The following GMCL1 variants were observed in gnomAD, a reference collection of about 807,000 sequenced individuals.
GMCL1 encodes germ cell-less protein-like 1.
Under a neutral mutation model 75.5 loss-of-function variants are expected in GMCL1, and 54 were observed. The observed-to-expected ratio is 0.71, with a 90% CI of 0.57 to 0.90. The LOEUF is 0.90. Among genes scored for constraint, GMCL1 ranks in the 40% least tolerant of loss-of-function variants. The probability of loss-of-function intolerance (pLI) is 0.00; values close to 1 mark genes in which losing one functional copy is unlikely to be tolerated. For synonymous variants in GMCL1, 210 were observed against 209.6 expected (o/e 1.00, Z -0.02); for missense variants, 537 against 622.7 (o/e 0.86, Z 1.47).
intron 8 of GMCL1, among the ~76,000 whole-genome samples, chr2:69,852,740 T>C (rs1460032677): frequency 6.6e-6 from 1 of 152,190 alleles, no homozygotes; most frequent in Non-Finnish European, 1.5e-5. Flanking sequence ...GAGTTTGCCA[T>C]GTTGGCCAGG....
At chr2:69,847,507 A>G (rs754358130) in intron 6 of GMCL1, 36 bp from the exon 7 acceptor site, 25 of 1,311,308 alleles carry the variant, frequency 1.9e-5, no homozygotes, top group Non-Finnish European at 2.5e-5. Context: ...GCCTGTGCCT[A>G]AAGATAAGCT....
chr2:69,835,931 T>C (rs575505389), intron 1 of GMCL1, among the ~76,000 whole-genome samples: 45 of 152,286 alleles, frequency 3.0e-4, no homozygotes, highest in African/African-American at 1.0e-3. Flanking sequence ...AGAATGAGGA[T>C]TGCTTTGTCT....
intron 7 of GMCL1, 99 bp downstream of exon 7, chr2:69,847,726 G>T (rs1675195876): frequency 3.3e-6 from 2 of 611,810 alleles, no homozygotes; most frequent in African/African-American, 3.8e-5. Flanking sequence ...TAAAGGGATG[G>T]TTATAAATGT....
At position 69,829,854 on chromosome 2, in the gene GMCL1, C is replaced by T. The variant is rs1008060748; in HGVS notation, c.-39C>T. 20 of 1,515,524 alleles carry T rather than the reference C, an allele frequency of 1.3e-5. No individual in the cohort carries two copies. In the Admixed American group the frequency reaches 4.4e-4, roughly 33 times the overall value. 93.9% of individuals were successfully genotyped at this position (1,515,524 alleles called of 1,614,324 possible). A position where few individuals can be genotyped will look rare whatever the true frequency, so the allele number is the denominator to read the frequency against. ...CGGCCGAGCCATGGCGGGAGACCCCCTTCTCTGGGCTCCCTGAAGTCTCGG... is the reference window on the plus strand; with the variant it reads ...CGGCCGAGCCATGGCGGGAGACCCCTTTCTCTGGGCTCCCTGAAGTCTCGG... On this transcript the variant is annotated 5_prime_UTR_variant, in exon 1 of 14. Coordinates refer to ENST00000282570, the MANE Select transcript of GMCL1 (RefSeq NM_178439.5).
rs75445476 is a variant in GMCL1 at position 69,873,407 on chromosome 2, A to G, written c.1452+1575A>G. ...AAAATATGAGTCAGCTGAAACAACA[A>G]TCATACATGTACCACTCAGATACAT... On this transcript the variant is annotated intron_variant, in intron 13 of 13. Transcript: ENST00000282570. Among the ~76,000 whole-genome samples, 7 of 152,314 alleles carry G rather than the reference A, an allele frequency of 4.6e-5. No individual in the cohort carries two copies. In the East Asian group the frequency reaches 1.2e-3, roughly 25 times the overall value.
intron 10 of GMCL1, among the ~76,000 whole-genome samples, chr2:69,862,565 G>C (rs1319280280): frequency 1.3e-5 from 2 of 152,088 alleles, no homozygotes; most frequent in Non-Finnish European, 2.9e-5. Context: ...TTCGAGACAA[G>C]CCTGACCGAG....
intron 10 of GMCL1, 129 bp downstream of exon 10, chr2:69,861,476 A>G (rs1675646309): frequency 1.8e-6 from 1 of 544,438 alleles, no homozygotes; most frequent in African/African-American, 1.9e-5. Context: ...TCATATAATC[A>G]CTTTTTATTA....
chr2:69,850,200 C>T (rs1182649822), intron 8 of GMCL1, among the ~76,000 whole-genome samples: 1 of 152,124 alleles, frequency 6.6e-6, no homozygotes, highest in Non-Finnish European at 1.5e-5. Flanking sequence ...TGTGTGTGTG[C>T]TGCTGCATAC....
chr2:69,872,767 A>G (rs1676017818), intron 13 of GMCL1, among the ~76,000 whole-genome samples: 1 of 152,070 alleles, frequency 6.6e-6, no homozygotes. Flanking sequence ...CTCCATCAGA[A>G]CTCTCTGTTG....
Position 69,829,734 on chromosome 2 carries a change from A to C in GMCL1, c.-159A>C. ...CGCGACCGGACGCTGCGGGCGGGGA[A>C]GAGGATGGAGACTGTGGCGTCCGCT... On this transcript the variant is annotated 5_prime_UTR_variant, in exon 1 of 14. Transcript: ENST00000282570. 4 of 760,888 alleles carry C rather than the reference A, an allele frequency of 5.3e-6. No homozygotes were observed. The highest frequency in any genetic ancestry group is 6.0e-6 in the Non-Finnish European group (3 of 498,400). 47.1% of individuals were successfully genotyped at this position (760,888 alleles called of 1,614,324 possible).
chr2:69,874,851 C>T (rs1054964236), intron 13 of GMCL1, among the ~76,000 whole-genome samples: 4 of 151,834 alleles, frequency 2.6e-5, no homozygotes, highest in Non-Finnish European at 2.9e-5. Context: ...AACCTTTCCA[C>T]GCACCTCAGC....
Position 69,839,522 on chromosome 2 carries a change from G to A in GMCL1, c.450G>A (p.Leu150=). ...WKESSMNIIE[L]EIPDQNIDVE... ...AATCCAGCATGAATATTATTGAACTGGAGATTCCTGACCAGAACATTGATG... is the reference window on the plus strand; with the variant it reads ...AATCCAGCATGAATATTATTGAACTAGAGATTCCTGACCAGAACATTGATG... The change falls in exon 3 of 14, where the codon CTG becomes CTA. Residue 150 remains leucine (L), a synonymous_variant. Coordinates refer to ENST00000282570, the MANE Select transcript of GMCL1 (RefSeq NM_178439.5). The A allele has an allele frequency of 6.3e-7, 1 of 1,599,532 alleles. No individual in the cohort carries two copies.
At chr2:69,859,723 G>A (rs772879187) in intron 9 of GMCL1, among the ~76,000 whole-genome samples, 1 of 92,458 alleles carries the variant, frequency 1.1e-5, no homozygotes, top group Non-Finnish European at 2.2e-5. Flanking sequence ...CACAGAGTGA[G>A]ACCGTGTCTC....
intron 13 of GMCL1, among the ~76,000 whole-genome samples, chr2:69,877,627 TG>T: frequency 6.6e-6 from 1 of 152,318 alleles, no homozygotes; most frequent in Admixed American, 6.5e-5. Context: ...ACAGTCTAGG[TG>T]ATGGCCTCCC....
chr2:69,842,121 G>C (rs947051310), intron 4 of GMCL1, among the ~76,000 whole-genome samples: 1 of 152,174 alleles, frequency 6.6e-6, no homozygotes, highest in Non-Finnish European at 1.5e-5. Flanking sequence ...ACAAAAACTT[G>C]TTGCATTCGT....
At chr2:69,835,568 T>C (rs889453792) in intron 1 of GMCL1, among the ~76,000 whole-genome samples, 2 of 152,084 alleles carry the variant, frequency 1.3e-5, no homozygotes, top group African/African-American at 4.8e-5. Flanking sequence ...TACCTCTTCT[T>C]TGAGTAAGAA....
chr2:69,849,681 G>T lies in GMCL1; in HGVS notation c.873G>T (p.Trp291Cys). Residue 291 changes from tryptophan to cysteine, a missense_variant, in exon 8 of 14, where the codon TGG becomes TGT. By Grantham distance (215) the Trp-to-Cys change is radical. Transcript: ENST00000282570. ...TGTTCCTTCAACTTGTGCCTTCTTGGAATGGATCTTTAAAACAGCTTTTGA... is the reference window on the plus strand; with the variant it reads ...TGTTCCTTCAACTTGTGCCTTCTTGTAATGGATCTTTAAAACAGCTTTTGA... ...KWMFLQLVPS[W>C]NGSLKQLLTE... 6.3e-7 allele frequency: 1 copy of T among 1,589,842 alleles called. No individual in the cohort carries two copies. The highest frequency in any genetic ancestry group is 8.6e-7 in the Non-Finnish European group (1 of 1,168,966).
chr2:69,874,731 C>G (rs952089544), intron 13 of GMCL1, among the ~76,000 whole-genome samples: 3 of 148,324 alleles, frequency 2.0e-5, no homozygotes, highest in African/African-American at 7.4e-5. Flanking sequence ...TTGTGATACT[C>G]TATAGTTTTT....
At chr2:69,864,840 C>CT in intron 10 of GMCL1, 60 bp from the exon 11 acceptor site, 1 of 1,120,014 alleles carries the variant, frequency 8.9e-7, no homozygotes, top group Non-Finnish European at 1.3e-6. Flanking sequence ...ACTCATAGTT[C>CT]TTTTTTAATT....
Sources: gnomAD v4.1 joint callset for allele counts (sites outside exome capture counted in the v4.1 genomes callset) on GRCh38, gnomAD v4.1.1 for gene constraint, MANE v1.5 for transcripts, NCBI Gene and HGNC (gene_info 2026-07-23, HGNC 2026-07-21) for gene names.